Variants in PTPRT observed in about 807,000 individuals in gnomAD.
PTPRT encodes the protein protein tyrosine phosphatase receptor type T.
PTPRT carries 56 observed loss-of-function variants against 176.8 expected under a neutral mutation model. The ratio of observed to expected loss-of-function variants is 0.32; its 90% confidence interval spans 0.26 to 0.40. The LOEUF (loss-of-function observed/expected upper bound fraction) is 0.40. Ranked by LOEUF, PTPRT falls within the 10% of genes least tolerant of loss-of-function variation. The pLI is 1.00. For missense variants in PTPRT, 1,540 were observed against 1,908.2 expected, an observed-to-expected ratio of 0.81 and a Z score of 3.60; for synonymous variants, 783 against 739.0, an observed-to-expected ratio of 1.06 and a Z score of -0.96.
At chr20:42,371,442 T>G (rs778731768) in intron 9 of PTPRT, among the ~76,000 whole-genome samples, 1 of 152,230 alleles carries the variant, frequency 6.6e-6, no homozygotes, top group Non-Finnish European at 1.5e-5. Context: ...AGCCCTCTCC[T>G]GCAGCTACTT....
chr20:42,366,390 G>A (rs535724600), intron 9 of PTPRT, among the ~76,000 whole-genome samples: 1 of 152,314 alleles, frequency 6.6e-6, no homozygotes, highest in Non-Finnish European at 1.5e-5. Flanking sequence ...TGTGCTAAGT[G>A]GTTTTCTCCC....
chr20:43,138,134 T>C (rs1374795003), intron 1 of PTPRT, among the ~76,000 whole-genome samples: 1 of 152,222 alleles, frequency 6.6e-6, no homozygotes, highest in Non-Finnish European at 1.5e-5. Context: ...GAGTGAGTGC[T>C]GAGTGGGCAC....
chr20:43,142,482 G>A (rs2014044087), intron 1 of PTPRT, among the ~76,000 whole-genome samples: 1 of 152,190 alleles, frequency 6.6e-6, no homozygotes, highest in Non-Finnish European at 1.5e-5. Flanking sequence ...TCTTTCCTGG[G>A]GAAACAGCCC....
intron 6 of PTPRT, among the ~76,000 whole-genome samples, chr20:42,753,657 G>A (rs920275293): frequency 2.0e-5 from 3 of 152,118 alleles, no homozygotes; most frequent in Admixed American, 1.3e-4. Context: ...TGCCAGGCCT[G>A]GCTACTGCAC....
intron 7 of PTPRT, among the ~76,000 whole-genome samples, chr20:42,481,809 C>G (rs947955667): frequency 6.8e-6 from 1 of 146,144 alleles, no homozygotes; most frequent in African/African-American, 2.5e-5. Context: ...CACACACGCG[C>G]GCATGTATAT....
chr20:42,670,019 G>A (rs1044993649), intron 7 of PTPRT, among the ~76,000 whole-genome samples: 1 of 151,916 alleles, frequency 6.6e-6, no homozygotes, highest in African/African-American at 2.4e-5. Flanking sequence ...GCTACACGTC[G>A]AGGACTCCAC....
chr20:42,937,087 G>A (rs1346756260), intron 1 of PTPRT, among the ~76,000 whole-genome samples: 1 of 152,140 alleles, frequency 6.6e-6, no homozygotes, highest in African/African-American at 2.4e-5. Context: ...TGGGAATCTC[G>A]GCTTTACACG....
chr20:42,607,837 G>A (rs1288440737), intron 7 of PTPRT, among the ~76,000 whole-genome samples: 4 of 152,072 alleles, frequency 2.6e-5, no homozygotes, highest in African/African-American at 9.7e-5. Flanking sequence ...TCATTATCAT[G>A]GGCCCGGGGA....
At chr20:43,060,447 GC>G in intron 1 of PTPRT, among the ~76,000 whole-genome samples, 1 of 152,118 alleles carries the variant, frequency 6.6e-6, no homozygotes, top group East Asian at 1.9e-4. Context: ...TCTCCCAAAG[GC>G]CCCACCTCCA....
chr20:43,019,739 A>AG (rs778599273), intron 1 of PTPRT, among the ~76,000 whole-genome samples: 1 of 151,912 alleles, frequency 6.6e-6, no homozygotes. Context: ...CAATGCAGGC[A>AG]GCACCATCCA....
At chr20:42,320,860 C>T (rs748039349) in intron 11 of PTPRT, among the ~76,000 whole-genome samples, 2 of 152,166 alleles carry the variant, frequency 1.3e-5, no homozygotes, top group Non-Finnish European at 2.9e-5. Context: ...GCACTCCTAA[C>T]TTTGTGTGAG....
At chr20:42,459,452 C>T (rs143588888) in intron 8 of PTPRT, among the ~76,000 whole-genome samples, 2,060 of 152,200 alleles carry the variant, frequency 0.014, 48 homozygotes, top group African/African-American at 0.047. Context: ...AAGAATGCAG[C>T]GGCCAGAGCT....
intron 6 of PTPRT, among the ~76,000 whole-genome samples, chr20:42,695,177 A>G (rs577183465): frequency 1.3e-5 from 2 of 152,342 alleles, no homozygotes; most frequent in Admixed American, 1.3e-4. Context: ...TCTGTAGCTT[A>G]TCTTTTCATC....
At chr20:42,127,400 C>CTG (rs1987911394) in intron 19 of PTPRT, among the ~76,000 whole-genome samples, 1 of 152,108 alleles carries the variant, frequency 6.6e-6, no homozygotes, top group African/African-American at 2.4e-5. Context: ...CTGTCTCTCT[C>CTG]TCTTTCTCTC....
intron 1 of PTPRT, among the ~76,000 whole-genome samples, chr20:43,172,254 A>G (rs1423722913): frequency 6.6e-6 from 1 of 152,234 alleles, no homozygotes; most frequent in Non-Finnish European, 1.5e-5. Flanking sequence ...CTAGTGGGAT[A>G]ATTTCCAAAA....
intron 2 of PTPRT, among the ~76,000 whole-genome samples, chr20:42,869,977 G>A (rs1481170451): frequency 2.0e-5 from 3 of 152,098 alleles, no homozygotes; most frequent in African/African-American, 7.2e-5. Context: ...TAGCATTCAA[G>A]CCACCATCTT....
chr20:42,245,418 A>G (rs894824500), intron 14 of PTPRT, among the ~76,000 whole-genome samples: 1 of 152,160 alleles, frequency 6.6e-6, no homozygotes, highest in Non-Finnish European at 1.5e-5. Flanking sequence ...AGAGAATCCC[A>G]TTTAAATCAC....
At chr20:43,090,461 GGTTTCACC>G (rs2146305049) in intron 1 of PTPRT, among the ~76,000 whole-genome samples, 1 of 152,026 alleles carries the variant, frequency 6.6e-6, no homozygotes, top group East Asian at 1.9e-4. Context: ...GTAGAGACAG[GGTTTCACC>G]GTTTTAGCCA....
At chr20:42,153,499 G>A (rs531511354) in intron 17 of PTPRT, among the ~76,000 whole-genome samples, 1 of 152,212 alleles carries the variant, frequency 6.6e-6, no homozygotes, top group Non-Finnish European at 1.5e-5. Flanking sequence ...GGTTGGGGGA[G>A]ATCCTGTATT....
Sources: allele counts gnomAD v4.1 joint callset (sites outside exome capture counted in the v4.1 genomes callset), GRCh38; gene constraint gnomAD v4.1.1; transcripts MANE v1.5; gene names NCBI Gene and HGNC (gene_info 2026-07-23, HGNC 2026-07-21).